Variants in E2F4 observed in about 807,000 individuals in gnomAD.
E2F4 encodes the protein transcription factor E2F4.
Under a neutral mutation model 44.5 loss-of-function variants are expected in E2F4, and 16 were observed. The observed-to-expected ratio is 0.36, with a 90% CI of 0.24 to 0.55. The LOEUF is 0.55. Among genes scored for constraint, E2F4 ranks in the 20% least tolerant of loss-of-function variants. E2F4 has a pLI of 0.87. For synonymous variants in E2F4, 242 were observed against 207.2 expected (o/e 1.17, Z -1.44); for missense variants, 473 against 522.1 (o/e 0.91, Z 0.92).
At position 67,197,906 on chromosome 16, in the gene E2F4, C is replaced by T; in HGVS notation, c.1121C>T (p.Ser374Leu). The T allele has an allele frequency of 6.2e-7, 1 of 1,614,100 alleles. No homozygotes were observed. Among genetic ancestry groups the T allele is most frequent in the South Asian group, 1.1e-5 (1 of 91,082 alleles). The part of the protein sequence containing the change: ...SSELLEELMS[S>L]EVFAPLLRLS... ...GAGCTGCTGGAGGAGTTGATGTCCT[C>T]AGAAGGTGGGTGGCCCTGGAAGGTG... The change falls in exon 9 of 10, where the codon TCA becomes TTA. Residue 374 changes from serine (S) to leucine (L), a missense_variant. By Grantham distance (145) the Ser-to-Leu change is moderately radical. Transcript: ENST00000379378.
intron 3 of E2F4, 26 bp downstream of exon 3, chr16:67,193,196 G>A: frequency 6.4e-7 from 1 of 1,554,708 alleles, no homozygotes; most frequent in Non-Finnish European, 8.7e-7. Flanking sequence ...TCCCTGCTGG[G>A]GGGAGTGGGC....
In E2F4 at chr16:67,193,496, C is replaced by T. The variant is rs746423797; in HGVS notation, c.432C>T (p.Asp144=). The T allele has an allele frequency of 6.2e-7, 1 of 1,614,102 alleles. No homozygotes were observed. ...NSCLAYVTHE[D]ICRCFAGDTL... is the part of the protein sequence containing the mutation. ...CTTTGGCCTACGTCACTCATGAGGA[C>T]ATCTGCAGATGCTTTGCTGGTGAGC... is the stretch of plus-strand genomic sequence containing the variant. The change falls in exon 4 of 10, where the codon GAC becomes GAT. Residue 144 remains aspartate (D), a synonymous_variant. Coordinates refer to ENST00000379378, the MANE Select transcript of E2F4 (RefSeq NM_001950.4).
intron 4 of E2F4, 178 bp from the exon 5 acceptor site, chr16:67,194,220 C>T (rs2142212183): frequency 3.2e-6 from 2 of 629,424 alleles, no homozygotes; most frequent in East Asian, 2.8e-5. Context: ...GTTACTGACC[C>T]TGGGCTCTCA....
rs1200166509 is a variant in E2F4, at chr16:67,198,137, G to C, written c.*14G>C. On this transcript the variant is annotated 3_prime_UTR_variant, in exon 10 of 10. Transcript: ENST00000379378. Reference sequence around the variant, plus strand: ...CTCAACCTCTGACTGACAGGGACATGCCCTGTGTGGCTGGGACCCAGACTG... The same window carrying C: ...CTCAACCTCTGACTGACAGGGACATCCCCTGTGTGGCTGGGACCCAGACTG... The C allele has an allele frequency of 6.2e-7, 1 of 1,601,904 alleles. No homozygotes were observed. The highest frequency in any genetic ancestry group is 1.3e-5 in the African/African-American group (1 of 74,686).
chr16:67,192,238 C>T lies in E2F4; in HGVS notation c.11C>T (p.Ala4Val). 3.2e-6 allele frequency: 4 copies of T among 1,266,990 alleles called. No individual in the cohort carries two copies. Among genetic ancestry groups the T allele is most frequent in the Non-Finnish European group, 2.0e-6 (2 of 1,004,598 alleles). The allele number at this position is 1,266,990 out of a possible 1,614,324, so 78.5% of individuals were successfully genotyped here. A position where few individuals can be genotyped will look rare whatever the true frequency, so the allele number is the denominator to read the frequency against. The change falls in exon 1 of 10, where the codon GCC becomes GTC. Residue 4 changes from alanine to valine, a missense_variant. Ala to Val is a moderately conservative substitution (Grantham distance 64). Transcript: ENST00000379378. MAE[A>V]GPQAPPPPGT... ...CGGCGGGCGGGCGCGATGGCGGAGG[C>T]CGGGCCACAGGCGCCGCCGCCCCCG...
chr16:67,195,817 G>A lies in E2F4; in HGVS notation c.844G>A (p.Gly282Ser). ...GGPGTDSKDSGELSSLPLGPT... is the reference protein window; with the variant it reads ...GGPGTDSKDSSELSSLPLGPT... Reference sequence around the variant, plus strand: ...CCCTGGGACTGATAGCAAGGACAGTGGTGAGCTCAGTTCACTCCCACTGGG... The same window carrying A: ...CCCTGGGACTGATAGCAAGGACAGTAGTGAGCTCAGTTCACTCCCACTGGG... The change falls in exon 7 of 10, where the codon GGT (glycine) becomes AGT (serine). Residue 282 changes from glycine (G) to serine (S), a missense_variant. Gly to Ser is a moderately conservative substitution (Grantham distance 56). Coordinates refer to ENST00000379378, the MANE Select transcript of E2F4 (RefSeq NM_001950.4). 1.9e-6 allele frequency: 3 copies of A among 1,614,108 alleles called. No individual in the cohort carries two copies. In the South Asian group the frequency reaches 3.3e-5, roughly 18 times the overall value.
Position 67,193,139 on chromosome 16 carries a change from C to G in E2F4, c.376C>G (p.Arg126Gly). 3.8e-6 allele frequency: 6 copies of G among 1,573,834 alleles called. No homozygotes were observed. The highest frequency in any genetic ancestry group is 5.2e-6 in the Non-Finnish European group (6 of 1,159,372). ...QHKVWVQQSI[R>G]NVTEDVQNSC... is the part of the protein sequence containing the mutation. ...CAAGGTGTGGGTGCAGCAGAGCATCCGGAACGTCACAGAGGACGTGCAGAA... is the reference window on the plus strand; with the variant it reads ...CAAGGTGTGGGTGCAGCAGAGCATCGGGAACGTCACAGAGGACGTGCAGAA... The change falls in exon 3 of 10, where the codon CGG becomes GGG. Residue 126 changes from arginine (R) to glycine (G), a missense_variant. Arg to Gly is a moderately radical substitution (Grantham distance 125). Coordinates refer to ENST00000379378, the MANE Select transcript of E2F4 (RefSeq NM_001950.4).
At position 67,195,975 on chromosome 16, in the gene E2F4, C is replaced by T. The variant is rs1336612430; in HGVS notation, c.1002C>T (p.Ser334=). 6.2e-7 allele frequency: 1 copy of T among 1,614,074 alleles called. No individual in the cohort carries two copies. The highest frequency in any genetic ancestry group is 8.5e-7 in the Non-Finnish European group (1 of 1,180,024). ...SSSSGPNPST[S]FEPIKADPTG... is the part of the protein sequence containing the mutation. ...CGTCCGGACCCAACCCTTCTACCTCCTTTGAGCCCATCAAGGCAGACCCCA... is the reference window on the plus strand; with the variant it reads ...CGTCCGGACCCAACCCTTCTACCTCTTTTGAGCCCATCAAGGCAGACCCCA... Residue 334 remains serine, a synonymous_variant, in exon 7 of 10, where the codon TCC becomes TCT. Transcript: ENST00000379378.
intron 7 of E2F4, among the ~76,000 whole-genome samples, chr16:67,196,986 C>T (rs1369658168): frequency 2.6e-5 from 4 of 152,198 alleles, no homozygotes; most frequent in African/African-American, 9.7e-5. Flanking sequence ...TTCTCTTTAC[C>T]CTGACTGACA....
chr16:67,194,904 T>C lies in E2F4; in HGVS notation c.732T>C (p.Ser244=). The change falls in exon 6 of 10, where the codon AGT becomes AGC. Residue 244 remains serine (S), a synonymous_variant. Transcript: ENST00000379378. Reference sequence around the variant, plus strand: ...CCCAGGAAGCCTCACGTCCAAATAGTCCTCAGCTCACTCCCACTGCTGTCC... The same window carrying C: ...CCCAGGAAGCCTCACGTCCAAATAGCCCTCAGCTCACTCCCACTGCTGTCC... ...AQSQEASRPN[S]PQLTPTAVPG... 6.2e-7 allele frequency: 1 copy of C among 1,614,046 alleles called. No homozygotes were observed.
At position 67,198,258 on chromosome 16, in the gene E2F4, C is replaced by T. The variant is rs1338861512; in HGVS notation, c.*135C>T. On this transcript the variant is annotated 3_prime_UTR_variant, in exon 10 of 10. Transcript: ENST00000379378. The stretch of plus-strand genomic sequence containing the variant: ...GCTTCTCCGGCCTCCCCTCACCGCA[C>T]AGTTCTGGCCACAGCTCCCGCTCCT... 8 of 722,590 alleles carry T rather than the reference C, an allele frequency of 1.1e-5. No homozygotes were observed. The highest frequency in any genetic ancestry group is 1.7e-5 in the Non-Finnish European group (7 of 420,938). 44.8% of individuals were successfully genotyped at this position (722,590 alleles called of 1,614,324 possible).
chr16:67,194,269 G>T, intron 4 of E2F4, 129 bp from the exon 5 acceptor site: 1 of 947,082 alleles, frequency 1.1e-6, no homozygotes, highest in Non-Finnish European at 1.6e-6. Context: ...CCACTATGGG[G>T]GATGGGTGAG....
Position 67,194,964 on chromosome 16 carries a change from A to G in E2F4, c.792A>G (p.Pro264=). 1.9e-6 allele frequency: 3 copies of G among 1,613,562 alleles called. No individual in the cohort carries two copies. Among genetic ancestry groups the G allele is most frequent in the South Asian group, 1.1e-5 (1 of 91,074 alleles). ...CAGAAGTCCAGGGAATGGCTGGCCCAGCAGCTGAGATCACAGGTGAGGCAC... is the reference window on the plus strand; with the variant it reads ...CAGAAGTCCAGGGAATGGCTGGCCCGGCAGCTGAGATCACAGGTGAGGCAC... ...GSAEVQGMAG[P]AAEITVSGGP... is the part of the protein sequence containing the mutation. The change falls in exon 6 of 10, where the codon CCA becomes CCG. Residue 264 remains proline (P), a synonymous_variant. Coordinates refer to ENST00000379378, the MANE Select transcript of E2F4 (RefSeq NM_001950.4).
chr16:67,197,932 G>A (rs1013260597), intron 9 of E2F4, 21 bp downstream of exon 9: 3 of 1,614,026 alleles, frequency 1.9e-6, no homozygotes, highest in Non-Finnish European at 1.7e-6. Flanking sequence ...CTGGAAGGTG[G>A]GAGTGGGTGT....
rs3730394 is a variant in E2F4 at position 67,193,366 on chromosome 16, G to A, written c.408-106G>A. Reference sequence around the variant, plus strand: ...CCCGGTGGACCTGAGTCCCCAGAACGGTCTCTGAGGGCCTGTGTGTCAGAC... The same window carrying A: ...CCCGGTGGACCTGAGTCCCCAGAACAGTCTCTGAGGGCCTGTGTGTCAGAC... On this transcript the variant is annotated intron_variant, in intron 3 of 9. Transcript: ENST00000379378. The A allele has an allele frequency of 1.2e-3, 1,813 of 1,506,994 alleles. 21 individuals carry two copies. In the African/African-American group the frequency reaches 0.021, roughly 18 times the overall value. 93.4% of individuals were successfully genotyped at this position (1,506,994 alleles called of 1,614,324 possible). A position where few individuals can be genotyped will look rare whatever the true frequency, so the allele number is the denominator to read the frequency against.
chr16:67,195,304 G>T (rs3730401), intron 6 of E2F4, among the ~76,000 whole-genome samples: 4 of 152,102 alleles, frequency 2.6e-5, no homozygotes, highest in Non-Finnish European at 4.4e-5. Context: ...GCTAATTCTC[G>T]TACTTCTAAT....
In E2F4 at chr16:67,192,266, C is replaced by A. The variant is rs992849939; in HGVS notation, c.39C>A (p.Gly13=). 5 of 1,298,152 alleles carry A rather than the reference C, an allele frequency of 3.9e-6. No individual in the cohort carries two copies. The African/African-American group carries it at 7.7e-5, about 20-fold the overall frequency. The allele number at this position is 1,298,152 out of a possible 1,614,324, so 80.4% of individuals were successfully genotyped here. The stretch of plus-strand genomic sequence containing the variant: ...GGCCACAGGCGCCGCCGCCCCCGGG[C>A]ACTCCAAGCCGGCACGAAAAGAGCC... ...EAGPQAPPPP[G]TPSRHEKSLG... Residue 13 remains glycine, a synonymous_variant, in exon 1 of 10, where the codon GGC becomes GGA. Coordinates refer to ENST00000379378, the MANE Select transcript of E2F4 (RefSeq NM_001950.4).
intron 1 of E2F4, 152 bp downstream of exon 1, chr16:67,192,514 A>G (rs1050625422): frequency 9.2e-6 from 11 of 1,199,944 alleles, no homozygotes; most frequent in Non-Finnish European, 1.2e-5. Flanking sequence ...TGTTTCATTC[A>G]TTCGGCCGAG....
intron 4 of E2F4, 139 bp downstream of exon 4, chr16:67,193,654 G>A: frequency 4.3e-6 from 4 of 922,044 alleles, no homozygotes; most frequent in East Asian, 5.0e-5. Context: ...GGCAGGGTAA[G>A]TCTTCTGTCT....
Sources: gnomAD v4.1 joint callset for allele counts (sites outside exome capture counted in the v4.1 genomes callset) on GRCh38, gnomAD v4.1.1 for gene constraint, MANE v1.5 for transcripts, NCBI Gene and HGNC (gene_info 2026-07-23, HGNC 2026-07-21) for gene names.